The following GLP1R variants were observed in gnomAD, a reference collection of about 807,000 sequenced individuals.
The protein encoded by GLP1R is glucagon-like peptide 1 receptor.
Under a neutral mutation model 68.4 loss-of-function variants are expected in GLP1R, and 32 were observed. The observed-to-expected ratio is 0.47, with a 90% CI of 0.35 to 0.63. The LOEUF (loss-of-function observed/expected upper bound fraction) is 0.63. Ranked by LOEUF, GLP1R falls within the 20% of genes least tolerant of loss-of-function variation. The probability of loss-of-function intolerance (pLI) is 0.00; values close to 1 mark genes in which losing one functional copy is unlikely to be tolerated. For synonymous variants in GLP1R, 263 were observed against 244.4 expected (o/e 1.08, Z -0.71); for missense variants, 502 against 594.9 (o/e 0.84, Z 1.62).
chr6:39,082,387 C>T (rs146848133), intron 12 of GLP1R, among the ~76,000 whole-genome samples: 1 of 152,262 alleles, frequency 6.6e-6, no homozygotes, highest in African/African-American at 2.4e-5. Context: ...AGCTAGTGGG[C>T]TGTGGCGGGG....
Position 39,079,107 on chromosome 6 carries a change from C to G in GLP1R, c.955-5C>G, listed in dbSNP as rs200682417. The G allele has an allele frequency of 1.9e-6, 3 of 1,613,700 alleles. No individual in the cohort carries two copies. The highest frequency in any genetic ancestry group is 2.2e-5 in the East Asian group (1 of 44,872). On this transcript the variant is annotated splice_polypyrimidine_tract_variant and splice_region_variant and intron_variant, in intron 9 of 12. Coordinates refer to ENST00000373256, the MANE Select transcript of GLP1R (RefSeq NM_002062.5). This position sits in a 1 kb window ranked among gnomAD's most constrained non-coding sequence, Gnocchi z 4.5. ...CCCCTGCCAATCCCCGGCCCCACCC[C>G]GCAGGTGAACTTCCTCATCTTTGTT...
chr6:39,061,696 G>T (rs546510879), intron 3 of GLP1R, among the ~76,000 whole-genome samples: 2 of 152,226 alleles, frequency 1.3e-5, no homozygotes, highest in East Asian at 3.9e-4. Context: ...TATGTACCGG[G>T]CACTTCACAT....
chr6:39,048,832 C>A lies in GLP1R; in HGVS notation c.-9C>A, dbSNP rs989000797. The A allele has an allele frequency of 1.4e-6, 2 of 1,416,058 alleles. No homozygotes were observed. Among genetic ancestry groups the A allele is most frequent in the African/African-American group, 1.5e-5 (1 of 67,194 alleles). The allele number at this position is 1,416,058 out of a possible 1,614,324, so 87.7% of individuals were successfully genotyped here. On this transcript the variant is annotated 5_prime_UTR_variant, in exon 1 of 13. Transcript: ENST00000373256. ...GTGGCAGCGATGGCCCAGTCCTGAA[C>A]TCCCCGCCATGGCCGGCGCCCCCGG...
At position 39,088,996 on chromosome 6, in the gene GLP1R, T is replaced by G. The variant is rs1312696632; in HGVS notation, c.*2923T>G. ...AGGATAGGTGAAAACTATAAATAGC[T>G]GTTCAAGATACTCTGAGTAAAAGTC... On this transcript the variant is annotated 3_prime_UTR_variant, in exon 13 of 13. Coordinates refer to ENST00000373256, the MANE Select transcript of GLP1R (RefSeq NM_002062.5). 1.3e-5 allele frequency among the ~76,000 whole-genome samples: 2 copies of G among 152,188 alleles called. No individual in the cohort carries two copies. The highest frequency in any genetic ancestry group is 2.9e-5 in the Non-Finnish European group (2 of 68,038).
At chr6:39,080,373 C>T (rs1007179861) in intron 11 of GLP1R, among the ~76,000 whole-genome samples, 1 of 152,168 alleles carries the variant, frequency 6.6e-6, no homozygotes, top group Non-Finnish European at 1.5e-5. Context: ...CAGGCCTCCT[C>T]AAGGAGAGGT....
chr6:39,068,158 G>T (rs939568601), intron 5 of GLP1R, among the ~76,000 whole-genome samples: 2 of 152,160 alleles, frequency 1.3e-5, no homozygotes, highest in African/African-American at 4.8e-5. Context: ...AAGGAAGAAA[G>T]GGGTAACTGG....
At chr6:39,071,364 AAAAG>A (rs1562012217) in intron 5 of GLP1R, among the ~76,000 whole-genome samples, 15 of 137,364 alleles carry the variant, frequency 1.1e-4, no homozygotes, top group Non-Finnish European at 1.9e-4. Context: ...AAAAAAAAAA[AAAAG>A]AAAGAAAGAA....
intron 1 of GLP1R, among the ~76,000 whole-genome samples, chr6:39,050,488 A>G (rs776101545): frequency 1.4e-4 from 21 of 151,888 alleles, no homozygotes; most frequent in Middle Eastern, 3.2e-3. Flanking sequence ...CTCTGATCCG[A>G]TTTTACTCCT....
chr6:39,086,108 G>T lies in GLP1R; in HGVS notation c.*35G>T. 1 of 1,603,120 alleles carries T rather than the reference G, an allele frequency of 6.2e-7. No individual in the cohort carries two copies. The highest frequency in any genetic ancestry group is 8.5e-7 in the Non-Finnish European group (1 of 1,173,314). ...GCCTGCCCTCCCTGGGGTCCTTGCT[G>T]CAGGCCGGGTGGCCAATCCAGGTGG... On this transcript the variant is annotated 3_prime_UTR_variant, in exon 13 of 13. Coordinates refer to ENST00000373256, the MANE Select transcript of GLP1R (RefSeq NM_002062.5). This position sits in a 1 kb window ranked among gnomAD's most constrained non-coding sequence, Gnocchi z 4.5.
intron 6 of GLP1R, 23 bp from the exon 7 acceptor site, chr6:39,073,587 T>C (rs2150832465): frequency 1.2e-6 from 2 of 1,610,770 alleles, no homozygotes; most frequent in Non-Finnish European, 8.5e-7. Flanking sequence ...GTTGTCCCCA[T>C]GACACCCTTC....
At chr6:39,064,629 C>T (rs1768448437) in intron 3 of GLP1R, among the ~76,000 whole-genome samples, 4 of 152,154 alleles carry the variant, frequency 2.6e-5, no homozygotes, top group African/African-American at 9.7e-5. Flanking sequence ...TGAACCATTT[C>T]CTCCTGGACA....
At chr6:39,067,003 A>G (rs943773399) in intron 5 of GLP1R, among the ~76,000 whole-genome samples, 1 of 152,176 alleles carries the variant, frequency 6.6e-6, no homozygotes, top group Non-Finnish European at 1.5e-5. Flanking sequence ...CTCCTCTTTT[A>G]TTATGAATTA....
chr6:39,056,854 C>T (rs370642065), intron 2 of GLP1R, among the ~76,000 whole-genome samples: 1 of 152,292 alleles, frequency 6.6e-6, no homozygotes, highest in South Asian at 2.1e-4. Context: ...GGCCAGCCCC[C>T]CAGCTAGAGC....
intron 3 of GLP1R, among the ~76,000 whole-genome samples, chr6:39,060,469 C>A (rs577023570): frequency 6.6e-6 from 1 of 152,284 alleles, no homozygotes; most frequent in East Asian, 1.9e-4. Flanking sequence ...CTTGAGCACC[C>A]CTAGACCTGA....
At chr6:39,052,458 C>A (rs559152518) in intron 1 of GLP1R, among the ~76,000 whole-genome samples, 41 of 152,250 alleles carry the variant, frequency 2.7e-4, no homozygotes, top group African/African-American at 9.1e-4. Context: ...CTCCTTCCTC[C>A]TTCTGAGAGG....
chr6:39,080,126 C>A (rs1768957107), intron 11 of GLP1R, among the ~76,000 whole-genome samples: 1 of 152,140 alleles, frequency 6.6e-6, no homozygotes, highest in Non-Finnish European at 1.5e-5. Context: ...AAGAACTGAT[C>A]CTCTCCACTA....
chr6:39,074,380 G>T (rs1195463217), intron 7 of GLP1R: 1 of 152,144 alleles, frequency 6.6e-6, no homozygotes, highest in African/African-American at 2.4e-5. Flanking sequence ...GAACATTTCT[G>T]GTTGTGCTTC....
intron 7 of GLP1R, chr6:39,074,431 G>A (rs1481252561): frequency 6.6e-6 from 1 of 152,068 alleles, no homozygotes; most frequent in Non-Finnish European, 1.5e-5. Context: ...GGCAGCATTG[G>A]GGTTGGGAAG....
At chr6:39,073,087 C>T (rs897893825) in intron 6 of GLP1R, 72 bp downstream of exon 6, 24 of 1,403,434 alleles carry the variant, frequency 1.7e-5, no homozygotes, top group African/African-American at 1.7e-4. Context: ...CCACCCTAGA[C>T]AGGCCTGGGA....
Sources: gnomAD v4.1 joint callset for allele counts (sites outside exome capture counted in the v4.1 genomes callset) on GRCh38, gnomAD v4.1.1 for gene constraint, Gnocchi (gnomAD v3.1) non-coding constraint, MANE v1.5 for transcripts, NCBI Gene and HGNC (gene_info 2026-07-23, HGNC 2026-07-21) for gene names.